The following LCK variants were observed in gnomAD, a reference collection of about 807,000 sequenced individuals.
LCK encodes the protein LCK proto-oncogene, Src family tyrosine kinase.
A neutral mutation model predicts 64.6 loss-of-function variants in LCK; 14 were observed. That is an observed-to-expected ratio of 0.22 (90% CI 0.14 to 0.34). The LOEUF (loss-of-function observed/expected upper bound fraction) is 0.34, where lower values mean the gene tolerates loss of function less well. Among genes scored for constraint, LCK ranks in the 10% least tolerant of loss-of-function variants. LCK has a pLI of 1.00. For missense variants in LCK, 434 were observed against 668.1 expected (o/e 0.65, Z 3.86); for synonymous variants, 277 against 263.6 (o/e 1.05, Z -0.49).
At chr1:32,253,176 G>T (rs1557567019) in intron 1 of LCK, among the ~76,000 whole-genome samples, 1 of 152,182 alleles carries the variant, frequency 6.6e-6, no homozygotes, top group South Asian at 2.1e-4. Context: ...GACCAGGCTG[G>T]CCGACATGGT....
Position 32,275,783 on chromosome 1 carries a change from G to A in LCK, c.481+111G>A. On this transcript the variant is annotated intron_variant, in intron 6 of 12. Transcript: ENST00000336890. This position sits in a 1 kb window ranked among gnomAD's most constrained non-coding sequence, Gnocchi z 6.9. ...ACGGGGTGAGTCGGAGGGGGACGCG[G>A]GATGAGCCCGAGGTGGGGGCGCGGG... 1 of 1,407,678 alleles carries A rather than the reference G, an allele frequency of 7.1e-7. No individual in the cohort carries two copies. The highest frequency in any genetic ancestry group is 2.4e-5 in the East Asian group (1 of 41,464). The allele number at this position is 1,407,678 out of a possible 1,614,324, so 87.2% of individuals were successfully genotyped here. A position where few individuals can be genotyped will look rare whatever the true frequency, so the allele number is the denominator to read the frequency against.
chr1:32,277,213 CAA>C (rs10645285), intron 9 of LCK: 6 of 84,020 alleles, frequency 7.1e-5, no homozygotes, highest in South Asian at 4.7e-4. Flanking sequence ...AAGACTCTAT[CAA>C]AAAAAAAAAA....
chr1:32,273,010 G>C (rs1434196261), intron 1 of LCK, among the ~76,000 whole-genome samples: 3 of 148,970 alleles, frequency 2.0e-5, no homozygotes, highest in African/African-American at 7.4e-5. Context: ...GTGTGTATGT[G>C]GGTGTGACTG....
In LCK at chr1:32,274,318, C is replaced by T; in HGVS notation, c.-5-7C>T. Reference sequence around the variant, plus strand: ...AGCCCCTTCAGCCCCCTCTTCCATTCCCTCAGGGACCATGGGCTGTGGCTG... The same window carrying T: ...AGCCCCTTCAGCCCCCTCTTCCATTTCCTCAGGGACCATGGGCTGTGGCTG... On this transcript the variant is annotated splice_region_variant and splice_polypyrimidine_tract_variant and intron_variant, in intron 1 of 12. Coordinates refer to ENST00000336890, the MANE Select transcript of LCK (RefSeq NM_005356.5). 6.2e-7 allele frequency: 1 copy of T among 1,614,072 alleles called. No homozygotes were observed. The highest frequency in any genetic ancestry group is 8.5e-7 in the Non-Finnish European group (1 of 1,179,958).
chr1:32,260,309 C>T (rs1639736035), intron 1 of LCK, among the ~76,000 whole-genome samples: 1 of 152,066 alleles, frequency 6.6e-6, no homozygotes, highest in Non-Finnish European at 1.5e-5. Context: ...CTGCGCCTGG[C>T]CTTTTATTTT....
At position 32,270,692 on chromosome 1, in the gene LCK, CTT is replaced by C. The variant is rs34689678; in HGVS notation, c.-5-3608_-5-3607del. Among the ~76,000 whole-genome samples the C allele has an allele frequency of 3.6e-3, 345 of 96,730 alleles. 1 individual carries two copies. Among genetic ancestry groups the C allele is most frequent in the African/African-American group, 0.014 (316 of 22,750 alleles). 63.5% of individuals were successfully genotyped at this position (96,730 alleles called of 152,430 possible). Reference sequence around the variant, plus strand: ...ACAGGAATGAGCCATCGTGCCCGGACTTTTTTTTTTTTTTTTTTTTTTTTTTG... The same window carrying C: ...ACAGGAATGAGCCATCGTGCCCGGACTTTTTTTTTTTTTTTTTTTTTTTTG... On this transcript the variant is annotated intron_variant, in intron 1 of 12. Transcript: ENST00000336890.
At chr1:32,256,954 T>C (rs1280622177) in intron 1 of LCK, among the ~76,000 whole-genome samples, 6 of 152,202 alleles carry the variant, frequency 3.9e-5, no homozygotes, top group African/African-American at 7.2e-5. Context: ...TAGGTACATA[T>C]ATCAAACGTG....
At chr1:32,261,809 G>A (rs758230414) in intron 1 of LCK, among the ~76,000 whole-genome samples, 62 of 150,348 alleles carry the variant, frequency 4.1e-4, no homozygotes, top group Non-Finnish European at 4.1e-4. Context: ...AAAATTAGCC[G>A]GGCATACTAG....
chr1:32,260,385 A>AT (rs1639737610), intron 1 of LCK, among the ~76,000 whole-genome samples: 1 of 151,964 alleles, frequency 6.6e-6, no homozygotes, highest in Admixed American at 6.6e-5. Flanking sequence ...AGCTCAAGTG[A>AT]TTTTCCCATC....
chr1:32,282,706 TG>T (rs934829446), intron 12 of LCK, among the ~76,000 whole-genome samples: 1 of 151,894 alleles, frequency 6.6e-6, no homozygotes, highest in African/African-American at 2.4e-5. Context: ...CTCAAGAGGC[TG>T]GGGCAAGAGA....
intron 12 of LCK, among the ~76,000 whole-genome samples, chr1:32,283,199 G>A (rs1248201648): frequency 1.3e-5 from 2 of 149,450 alleles, no homozygotes; most frequent in Non-Finnish European, 2.9e-5. Flanking sequence ...TGAGACAGGG[G>A]AATCATTTGA....
intron 1 of LCK, among the ~76,000 whole-genome samples, chr1:32,263,220 TG>T (rs936915170): frequency 1.4e-4 from 21 of 151,324 alleles, no homozygotes; most frequent in African/African-American, 4.9e-4. Flanking sequence ...GGTGAAACCC[TG>T]TCTCTACTAA....
At chr1:32,281,944 C>T (rs1299311276) in intron 12 of LCK, among the ~76,000 whole-genome samples, 4 of 152,100 alleles carry the variant, frequency 2.6e-5, no homozygotes, top group Non-Finnish European at 5.9e-5. Context: ...GTGGCACGCG[C>T]CTGTAACCCT....
chr1:32,284,479 T>G (rs2124381650), intron 12 of LCK, among the ~76,000 whole-genome samples: 1 of 151,964 alleles, frequency 6.6e-6, no homozygotes, highest in East Asian at 1.9e-4. Flanking sequence ...AAGCAATTAC[T>G]GTGACTCAGC....
chr1:32,272,591 G>GAGAGAGAGAGAGAA (rs1157050688), intron 1 of LCK, among the ~76,000 whole-genome samples: 7 of 139,798 alleles, frequency 5.0e-5, no homozygotes, highest in Admixed American at 1.4e-4. Context: ...GAGAGAAAGA[G>GAGAGAGAGAGAGAA]AGAGAGAGAG....
Position 32,285,668 on chromosome 1 carries a change from G to A in LCK, c.1482G>A (p.Leu494=). The change falls in exon 13 of 13, where the codon CTG becomes CTA. Residue 494 remains leucine, a synonymous_variant. Transcript: ENST00000336890. The part of the protein sequence containing the change: ...RPTFDYLRSV[L]EDFFTATEGQ... Reference sequence around the variant, plus strand: ...CCTTTGACTACCTGCGCAGTGTGCTGGAGGACTTCTTCACGGCCACAGAGG... The same window carrying A: ...CCTTTGACTACCTGCGCAGTGTGCTAGAGGACTTCTTCACGGCCACAGAGG... 1.9e-6 allele frequency: 3 copies of A among 1,613,512 alleles called. No homozygotes were observed. Among genetic ancestry groups the A allele is most frequent in the South Asian group, 1.1e-5 (1 of 90,992 alleles).
At chr1:32,280,488 C>T (rs1354431183) in intron 12 of LCK, among the ~76,000 whole-genome samples, 4 of 97,856 alleles carry the variant, frequency 4.1e-5, no homozygotes, top group Non-Finnish European at 7.4e-5. Flanking sequence ...CGGAGTCTTG[C>T]TCTGTCTCCC....
intron 1 of LCK, among the ~76,000 whole-genome samples, chr1:32,258,803 C>CAAA (rs58703501): frequency 6.6e-5 from 4 of 60,688 alleles, no homozygotes; most frequent in East Asian, 4.1e-4. Context: ...GACTCCGTCT[C>CAAA]AAAAAAAAAA....
Position 32,285,565 on chromosome 1 carries a change from TGC to T in LCK, c.1382_1383del (p.Arg461ProfsTer2). 6.2e-7 allele frequency: 1 copy of T among 1,614,254 alleles called. No individual in the cohort carries two copies. The highest frequency in any genetic ancestry group is 8.5e-7 in the Non-Finnish European group (1 of 1,180,052). ...AACCTGGAGCGAGGCTACCGCATGG[TGC>T]GCCCTGACAACTGTCCAGAGGAGCT... On this transcript the variant is annotated frameshift_variant, in exon 13 of 13. Transcript: ENST00000336890. LOFTEE classifies it high-confidence loss of function.
Sources: gnomAD v4.1 joint callset for allele counts (sites outside exome capture counted in the v4.1 genomes callset) on GRCh38, gnomAD v4.1.1 for gene constraint, Gnocchi (gnomAD v3.1) non-coding constraint, MANE v1.5 for transcripts, NCBI Gene and HGNC (gene_info 2026-07-23, HGNC 2026-07-21) for gene names.